The following CDH18 variants were observed in gnomAD, a reference collection of about 807,000 sequenced individuals.
The protein encoded by CDH18 is cadherin 18, also known as cadherin-18.
In CDH18, 31 loss-of-function variants were observed where a neutral mutation model predicts 67.9. The observed-to-expected ratio is 0.46, with a 90% confidence interval of 0.34 to 0.62. The LOEUF is 0.62. Among genes scored for constraint, CDH18 ranks in the 20% least tolerant of loss-of-function variants. The probability of loss-of-function intolerance (pLI) is 0.01; values close to 1 mark genes in which losing one functional copy is unlikely to be tolerated. For missense variants in CDH18, 890 were observed against 975.5 expected (o/e 0.91, Z 1.17); for synonymous variants, 362 against 347.2 (o/e 1.04, Z -0.48).
chr5:20,570,609 T>C (rs1008161925), intron 1 of CDH18, among the ~76,000 whole-genome samples: 7 of 152,178 alleles, frequency 4.6e-5, no homozygotes, highest in African/African-American at 1.7e-4. Flanking sequence ...TGATTCATTA[T>C]CTTCCTCTAT....
At chr5:20,140,334 G>T (rs1299208967) in intron 2 of CDH18, among the ~76,000 whole-genome samples, 1 of 152,076 alleles carries the variant, frequency 6.6e-6, no homozygotes, top group Non-Finnish European at 1.5e-5. Flanking sequence ...TGGGGAGGGG[G>T]AAGGGATAAC....
chr5:19,704,534 A>G (rs1020860111), intron 5 of CDH18, among the ~76,000 whole-genome samples: 1 of 152,154 alleles, frequency 6.6e-6, no homozygotes, highest in Non-Finnish European at 1.5e-5. Context: ...GGGACGAGGA[A>G]AAAAATTGCA....
chr5:20,532,737 A>C (rs983719092), intron 1 of CDH18, among the ~76,000 whole-genome samples: 10 of 151,998 alleles, frequency 6.6e-5, no homozygotes, highest in Non-Finnish European at 1.0e-4. Context: ...TCAACACCTA[A>C]CTCAAAATCT....
At chr5:20,216,925 G>A (rs988176329) in intron 2 of CDH18, among the ~76,000 whole-genome samples, 6 of 151,950 alleles carry the variant, frequency 3.9e-5, no homozygotes, top group East Asian at 3.9e-4. Context: ...CCCATACAGC[G>A]GGCAGCAGCA....
chr5:20,252,130 G>T (rs1260084742), intron 2 of CDH18, among the ~76,000 whole-genome samples: 2 of 152,018 alleles, frequency 1.3e-5, no homozygotes, highest in Admixed American at 6.6e-5. Context: ...GAAGCGGGTG[G>T]ATCACGAGGT....
At chr5:20,293,744 T>C (rs1359173557) in intron 1 of CDH18, among the ~76,000 whole-genome samples, 1 of 152,222 alleles carries the variant, frequency 6.6e-6, no homozygotes, top group Admixed American at 6.5e-5. Flanking sequence ...CCGATGCTTT[T>C]GAAAGTTAAT....
intron 3 of CDH18, among the ~76,000 whole-genome samples, chr5:19,806,362 A>G (rs942723151): frequency 3.9e-5 from 6 of 152,116 alleles, no homozygotes; most frequent in Non-Finnish European, 7.3e-5. Flanking sequence ...GCAGCGGCAT[A>G]TTTTATCAAT....
chr5:19,489,297 G>A (rs923506577), intron 11 of CDH18, among the ~76,000 whole-genome samples: 1 of 147,230 alleles, frequency 6.8e-6, no homozygotes, highest in East Asian at 2.0e-4. Context: ...GCCCAGGCTG[G>A]AGTGCAGTGG....
intron 2 of CDH18, among the ~76,000 whole-genome samples, chr5:20,149,736 T>G (rs906114564): frequency 6.6e-6 from 1 of 152,140 alleles, no homozygotes. Flanking sequence ...CTTTAAAAAG[T>G]CTATTCTGCA....
chr5:19,793,454 C>A (rs1239099691), intron 3 of CDH18, among the ~76,000 whole-genome samples: 2 of 152,058 alleles, frequency 1.3e-5, no homozygotes, highest in Admixed American at 1.3e-4. Context: ...CTAAGGTGAT[C>A]ATAAGGTTCA....
At chr5:20,023,554 G>GAGGCTGAGGCAGGAGAA (rs1333700401) in intron 2 of CDH18, among the ~76,000 whole-genome samples, 1 of 151,684 alleles carries the variant, frequency 6.6e-6, no homozygotes, top group African/African-American at 2.4e-5. Flanking sequence ...AGCTACTCGG[G>GAGGCTGAGGCAGGAGAA]AGGCTGAGGC....
At chr5:20,532,906 A>G (rs1045405809) in intron 1 of CDH18, among the ~76,000 whole-genome samples, 3 of 145,212 alleles carry the variant, frequency 2.1e-5, no homozygotes, top group African/African-American at 7.6e-5. Flanking sequence ...TTTTTTTTTC[A>G]CTAAAAACCT....
At chr5:19,984,361 T>C (rs145053442) in intron 1 of CDH18, among the ~76,000 whole-genome samples, 1 of 152,106 alleles carries the variant, frequency 6.6e-6, no homozygotes, top group Non-Finnish European at 1.5e-5. Context: ...TACATTTTTA[T>C]AATAAATTTT....
chr5:19,673,172 T>G (rs1758987736), intron 5 of CDH18, among the ~76,000 whole-genome samples: 1 of 152,066 alleles, frequency 6.6e-6, no homozygotes, highest in South Asian at 2.1e-4. Context: ...TTATTCTGTT[T>G]TTGTTGTTGA....
chr5:19,613,888 T>C (rs1449220620), intron 5 of CDH18, among the ~76,000 whole-genome samples: 2 of 152,132 alleles, frequency 1.3e-5, no homozygotes, highest in Non-Finnish European at 2.9e-5. Context: ...AATTATAAAA[T>C]ATAAACATAT....
Position 19,838,742 on chromosome 5 carries a change from A to G in CDH18, c.228+17T>C. Reference sequence around the variant, plus strand: ...TTTCTCAGGATAGAAAAAACAGCAAAATAAACAAAATCTTACCTTTCCAAC... The same window carrying G: ...TTTCTCAGGATAGAAAAAACAGCAAGATAAACAAAATCTTACCTTTCCAAC... On this transcript the variant is annotated intron_variant, in intron 3 of 12. Coordinates refer to ENST00000382275, the MANE Select transcript of CDH18 (RefSeq NM_004934.5). 6.4e-7 allele frequency: 1 copy of G among 1,573,768 alleles called. No homozygotes were observed. Among genetic ancestry groups the G allele is most frequent in the Middle Eastern group, 1.7e-4 (1 of 5,936 alleles).
At chr5:20,228,936 C>T (rs553305404) in intron 2 of CDH18, among the ~76,000 whole-genome samples, 6 of 152,158 alleles carry the variant, frequency 3.9e-5, no homozygotes, top group Non-Finnish European at 8.8e-5. Context: ...TAGTCACAGG[C>T]TCTGATGTAG....
intron 1 of CDH18, among the ~76,000 whole-genome samples, chr5:20,516,751 T>A (rs1028746995): frequency 2.6e-5 from 4 of 152,012 alleles, no homozygotes; most frequent in Admixed American, 2.6e-4. Flanking sequence ...TGACTATTTA[T>A]AACAATTTAT....
At chr5:20,313,662 ATCTGAGTGCC>A (rs1737198455) in intron 1 of CDH18, among the ~76,000 whole-genome samples, 1 of 152,046 alleles carries the variant, frequency 6.6e-6, no homozygotes, top group African/African-American at 2.4e-5. Context: ...TATGGCTGTT[ATCTGAGTGCC>A]TCCTTTTAGA....
Sources: allele counts gnomAD v4.1 joint callset (sites outside exome capture counted in the v4.1 genomes callset), GRCh38; gene constraint gnomAD v4.1.1; transcripts MANE v1.5; gene names NCBI Gene and HGNC (gene_info 2026-07-23, HGNC 2026-07-21).